The following BTAF1 variants were observed in gnomAD, a reference collection of about 807,000 sequenced individuals.
The protein encoded by BTAF1 is B-TFIID TATA-box binding protein associated factor 1, also known as TATA-binding protein-associated factor 172.
In BTAF1, 38 loss-of-function variants were observed where a neutral mutation model predicts 227.1. That is an observed-to-expected ratio of 0.17 (90% confidence interval 0.13 to 0.22). The LOEUF is 0.22. BTAF1 is among the 10% of genes least tolerant of loss of function. The pLI, the probability that BTAF1 is intolerant of heterozygous loss-of-function variation, is 1.00. For missense variants in BTAF1, 1,598 were observed against 2,204.0 expected, an observed-to-expected ratio of 0.73 and a Z score of 5.51; for synonymous variants, 742 against 751.9, an observed-to-expected ratio of 0.99 and a Z score of 0.21.
intron 25 of BTAF1, among the ~76,000 whole-genome samples, chr10:92,005,528 A>G (rs1849820076): frequency 6.6e-6 from 1 of 152,196 alleles, no homozygotes; most frequent in Admixed American, 6.5e-5. Context: ...TTCAGTGTAT[A>G]GATCTTTCAC....
At chr10:91,992,374 G>T in intron 21 of BTAF1, 65 bp downstream of exon 21, 1 of 1,391,632 alleles carries the variant, frequency 7.2e-7, no homozygotes, top group Non-Finnish European at 9.6e-7. Context: ...TACAAATTGA[G>T]AACTAAGTTG....
intron 25 of BTAF1, among the ~76,000 whole-genome samples, chr10:92,000,065 C>G: frequency 6.6e-6 from 1 of 152,122 alleles, no homozygotes; most frequent in East Asian, 1.9e-4. Context: ...TAAACTGTTT[C>G]TTAGATTATT....
Position 92,030,871 on chromosome 10 carries a change from T to TAA in BTAF1, c.*1940_*1941dup, listed in dbSNP as rs1191220845. Among the ~76,000 whole-genome samples, 8 of 152,286 alleles carry TAA rather than the reference T, an allele frequency of 5.3e-5. No homozygotes were observed. The highest frequency in any genetic ancestry group is 1.7e-4 in the African/African-American group (7 of 41,566). ...ACTTTTCCATAGAAAGGAAAACATGTAAACAGGTAAGAACTAAGTATTCTT... is the reference window on the plus strand; with the variant it reads ...ACTTTTCCATAGAAAGGAAAACATGTAAAAACAGGTAAGAACTAAGTATTCTT... On this transcript the variant is annotated 3_prime_UTR_variant, in exon 38 of 38. Transcript: ENST00000265990.
rs1846394210 is a variant in BTAF1 at position 91,960,055 on chromosome 10, T to G, written c.1164T>G (p.His388Gln). The G allele has an allele frequency of 6.2e-7, 1 of 1,613,900 alleles. No individual in the cohort carries two copies. Among genetic ancestry groups the G allele is most frequent in the Non-Finnish European group, 8.5e-7 (1 of 1,179,856 alleles). ...VLKHMNETGV[H>Q]KTVDVLLKLL... is the part of the protein sequence containing the mutation. ...AACACATGAACGAAACAGGAGTTCA[T>G]AAGACTGTGGATGTGCTGCTAAAAT... is the stretch of plus-strand genomic sequence containing the variant. The change falls in exon 11 of 38, where the codon CAT becomes CAG. Residue 388 changes from histidine to glutamine, a missense_variant. By Grantham distance (24) the His-to-Gln change is conservative (BLOSUM62 0). Around this residue, in one of 10 missense-constraint regions of BTAF1, gnomAD observed 52 missense variants for 72.4 expected, o/e 0.72. Transcript: ENST00000265990.
At position 91,954,000 on chromosome 10, in the gene BTAF1, C is replaced by T. The variant is rs1264059718; in HGVS notation, c.701+127C>T. On this transcript the variant is annotated intron_variant, in intron 6 of 37. Coordinates refer to ENST00000265990, the MANE Select transcript of BTAF1 (RefSeq NM_003972.3). ...GGGGAGTACTGTTTGGATTCTCTTA[C>T]TCAATTGTCAGAGAGTATTCATTGT... The T allele has an allele frequency of 1.4e-5, 18 of 1,332,872 alleles. No individual in the cohort carries two copies. In the East Asian group the frequency reaches 3.6e-4, roughly 26 times the overall value. 82.6% of individuals were successfully genotyped at this position (1,332,872 alleles called of 1,614,324 possible). A position where few individuals can be genotyped will look rare whatever the true frequency, so the allele number is the denominator to read the frequency against.
rs1253958177 is a variant in BTAF1 at position 91,978,146 on chromosome 10, A to C, written c.1651-2308A>C. On this transcript the variant is annotated intron_variant, in intron 14 of 37. Transcript: ENST00000265990. ...ACAGAATAGTTTAACTGCCCTAAAA[A>C]TCCTGTGTTCTACCCATGTATCCTT... 2.6e-5 allele frequency among the ~76,000 whole-genome samples: 4 copies of C among 152,204 alleles called. No individual in the cohort carries two copies. The East Asian group carries it at 5.8e-4, about 22-fold the overall frequency.
chr10:91,989,188 T>C lies in BTAF1; in HGVS notation c.2462T>C (p.Phe821Ser). The C allele has an allele frequency of 6.2e-7, 1 of 1,613,832 alleles. No individual in the cohort carries two copies. Among genetic ancestry groups the C allele is most frequent in the Non-Finnish European group, 8.5e-7 (1 of 1,179,842 alleles). ...GTTTTTAATGAAGCCACATCATCTT[T>C]CGATTTAAATCCTCAAGTGTTACAA... The part of the protein sequence containing the change: ...TTVFNEATSS[F>S]DLNPQVLQQL... The change falls in exon 20 of 38, where the codon TTC becomes TCC. Residue 821 changes from phenylalanine (F) to serine (S), a missense_variant. Phe to Ser is a radical substitution (Grantham distance 155). This residue lies in a region of BTAF1 where 318 missense variants were observed against 435.0 expected (regional missense o/e 0.73). Transcript: ENST00000265990.
At chr10:91,972,112 A>G (rs1301365229) in intron 14 of BTAF1, among the ~76,000 whole-genome samples, 1 of 152,348 alleles carries the variant, frequency 6.6e-6, no homozygotes, top group East Asian at 1.9e-4. Context: ...TTTAAGTTTC[A>G]GAAGGATTTG....
chr10:91,962,253 A>G (rs1307028575), intron 11 of BTAF1, among the ~76,000 whole-genome samples: 3 of 152,226 alleles, frequency 2.0e-5, no homozygotes, highest in African/African-American at 7.2e-5. Flanking sequence ...TATTCAGTTC[A>G]GTAACATGCT....
intron 19 of BTAF1, among the ~76,000 whole-genome samples, chr10:91,986,557 TC>T (rs959920014): frequency 7.3e-6 from 1 of 136,254 alleles, no homozygotes; most frequent in African/African-American, 2.7e-5. Context: ...CTGTTTTTTT[TC>T]CCCCTGGGTT....
intron 14 of BTAF1, among the ~76,000 whole-genome samples, chr10:91,972,928 A>G (rs1847406279): frequency 6.6e-6 from 1 of 152,238 alleles, no homozygotes; most frequent in African/African-American, 2.4e-5. Context: ...TATATAATAT[A>G]CACTGTATAC....
intron 34 of BTAF1, among the ~76,000 whole-genome samples, chr10:92,021,124 C>T (rs902366376): frequency 6.6e-6 from 1 of 152,124 alleles, no homozygotes; most frequent in Non-Finnish European, 1.5e-5. Flanking sequence ...TATGTATATG[C>T]TGTGAAGTTA....
In BTAF1 at chr10:91,993,884, A is replaced by G. The variant is rs371197299; in HGVS notation, c.3199+37A>G. 1.6e-5 allele frequency: 24 copies of G among 1,491,056 alleles called. No homozygotes were observed. The African/African-American group carries it at 3.1e-4, about 19-fold the overall frequency. 92.4% of individuals were successfully genotyped at this position (1,491,056 alleles called of 1,614,324 possible). On this transcript the variant is annotated intron_variant, in intron 22 of 37. Coordinates refer to ENST00000265990, the MANE Select transcript of BTAF1 (RefSeq NM_003972.3). The stretch of plus-strand genomic sequence containing the variant: ...TTTTTATGAGTCCAGTTTTTAACAA[A>G]TTTTAATGTCTATTAATTGAATATA...
chr10:91,950,342 A>G (rs1403477061), intron 4 of BTAF1, among the ~76,000 whole-genome samples: 1 of 133,524 alleles, frequency 7.5e-6, no homozygotes, highest in Non-Finnish European at 1.6e-5. Flanking sequence ...CCCTAAGTAA[A>G]TGCCTTTTTT....
At position 91,989,525 on chromosome 10, in the gene BTAF1, A is replaced by T; in HGVS notation, c.2799A>T (p.Leu933=). The T allele has an allele frequency of 6.2e-7, 1 of 1,613,546 alleles. No homozygotes were observed. Among genetic ancestry groups the T allele is most frequent in the African/African-American group, 1.3e-5 (1 of 75,046 alleles). ...LCSSLCVDPY[L]TPCVTCPVPT... Reference sequence around the variant, plus strand: ...GCTCACTTTGTGTGGACCCATATCTAACTCCTTGTGTCACATGTCCAGTAC... The same window carrying T: ...GCTCACTTTGTGTGGACCCATATCTTACTCCTTGTGTCACATGTCCAGTAC... The change falls in exon 20 of 38, where the codon CTA becomes CTT. Residue 933 remains leucine (L), a synonymous_variant. Coordinates refer to ENST00000265990, the MANE Select transcript of BTAF1 (RefSeq NM_003972.3).
intron 25 of BTAF1, among the ~76,000 whole-genome samples, chr10:92,005,974 A>C (rs1849850600): frequency 6.6e-6 from 1 of 151,876 alleles, no homozygotes; most frequent in African/African-American, 2.4e-5. Context: ...CCTGGACTCA[A>C]GCGATCCTCC....
chr10:91,981,431 A>T (rs879295592), intron 15 of BTAF1, among the ~76,000 whole-genome samples: 138 of 151,472 alleles, frequency 9.1e-4, no homozygotes, highest in African/African-American at 2.5e-3. Context: ...TTCTTTTTTT[A>T]AAAAAAAACT....
At chr10:91,931,054 G>C (rs1444773656) in intron 1 of BTAF1, among the ~76,000 whole-genome samples, 1 of 152,096 alleles carries the variant, frequency 6.6e-6, no homozygotes, top group Non-Finnish European at 1.5e-5. Flanking sequence ...TCTAGGACAT[G>C]TTTTATTGTT....
chr10:92,026,052 A>T (rs756779167), intron 35 of BTAF1, among the ~76,000 whole-genome samples: 3 of 152,222 alleles, frequency 2.0e-5, no homozygotes, highest in Non-Finnish European at 4.4e-5. Context: ...AATGCATATA[A>T]AGTACAAAGA....
Sources: gnomAD v4.1 joint callset for allele counts (sites outside exome capture counted in the v4.1 genomes callset) on GRCh38, gnomAD v4.1.1 for gene constraint, gnomAD v4.1.1 regional missense constraint, MANE v1.5 for transcripts, NCBI Gene and HGNC (gene_info 2026-07-23, HGNC 2026-07-21) for gene names.